The following EFTUD2 variants were observed in gnomAD, a reference collection of about 807,000 sequenced individuals.
EFTUD2 encodes the protein 116 kDa U5 small nuclear ribonucleoprotein component.
In EFTUD2, 9 loss-of-function variants were observed where a neutral mutation model predicts 114.3. The ratio of observed to expected loss-of-function variants is 0.08; its 90% CI spans 0.05 to 0.14. The LOEUF is 0.14. EFTUD2 is among the 10% of genes least tolerant of loss of function. The pLI, the probability that EFTUD2 is intolerant of heterozygous loss-of-function variation, is 1.00. For synonymous variants in EFTUD2, 449 were observed against 462.3 expected (o/e 0.97, Z 0.37); for missense variants, 765 against 1,241.2 (o/e 0.62, Z 5.76).
intron 25 of EFTUD2, 104 bp downstream of exon 25, chr17:44,853,192 G>A: frequency 8.4e-7 from 1 of 1,191,178 alleles, no homozygotes; most frequent in South Asian, 1.4e-5. Flanking sequence ...TTTCCAGAGA[G>A]AGGAGGGTAG....
At chr17:44,859,270 T>C (rs1198651999) in intron 18 of EFTUD2, 89 bp from the exon 19 acceptor site, 4 of 927,888 alleles carry the variant, frequency 4.3e-6, no homozygotes, top group Admixed American at 1.8e-5. Flanking sequence ...AGACAAGAAG[T>C]TGCCTATCAG....
Position 44,864,956 on chromosome 17 carries a change from C to T in EFTUD2, c.1259G>A (p.Cys420Tyr). Residue 420 changes from cysteine to tyrosine, a missense_variant, in exon 14 of 28, where the codon TGC (cysteine) becomes TAC (tyrosine). Around this residue, in one of 6 missense-constraint regions of EFTUD2, gnomAD observed 251 missense variants for 357.7 expected, o/e 0.70. Coordinates refer to ENST00000426333, the MANE Select transcript of EFTUD2 (RefSeq NM_004247.4). ...LNIRPLLRLVCKKFFGEFTGF... is the reference protein window; with the variant it reads ...LNIRPLLRLVYKKFFGEFTGF... ...TGTGAACTCGCCAAAGAACTTTTTG[C>T]AGACCAGCCTGAGCAAGGGGCGGAT... The T allele has an allele frequency of 6.2e-7, 1 of 1,614,128 alleles. No homozygotes were observed. Among genetic ancestry groups the T allele is most frequent in the South Asian group, 1.1e-5 (1 of 91,074 alleles).
In EFTUD2 at chr17:44,850,090, T is replaced by G. The variant is rs2050412507; in HGVS notation, c.*1184A>C. 2.4e-6 allele frequency: 1 copy of G among 420,964 alleles called. No individual in the cohort carries two copies. The highest frequency in any genetic ancestry group is 2.0e-5 in the African/African-American group (1 of 51,208). The allele number at this position is 420,964 out of a possible 1,614,324, so 26.1% of individuals were successfully genotyped here. On this transcript the variant is annotated 3_prime_UTR_variant, in exon 28 of 28. Coordinates refer to ENST00000426333, the MANE Select transcript of EFTUD2 (RefSeq NM_004247.4). ...CCCCTGGCCTGCCTACCTTGCAGGC[T>G]GCTGTGAGGTTTCTCAGATACACAA...
At chr17:44,881,212 G>A (rs577326598) in intron 7 of EFTUD2, among the ~76,000 whole-genome samples, 1 of 152,272 alleles carries the variant, frequency 6.6e-6, no homozygotes, top group African/African-American at 2.4e-5. Flanking sequence ...GGAAACAGAA[G>A]GGGTCAGAGA....
chr17:44,864,679 C>T (rs1336952993), intron 14 of EFTUD2, among the ~76,000 whole-genome samples: 3 of 152,138 alleles, frequency 2.0e-5, no homozygotes, highest in Non-Finnish European at 2.9e-5. Context: ...GCCTGCCTCC[C>T]CATCTCATTT....
At chr17:44,883,878 T>G (rs1466315640) in intron 4 of EFTUD2, 154 bp from the exon 5 acceptor site, 1 of 666,934 alleles carries the variant, frequency 1.5e-6, no homozygotes, top group East Asian at 2.7e-5. Flanking sequence ...CTTACATAGC[T>G]CTGGCTTTGG....
chr17:44,884,631 G>A (rs537904831), intron 4 of EFTUD2, among the ~76,000 whole-genome samples: 7 of 152,196 alleles, frequency 4.6e-5, no homozygotes, highest in South Asian at 2.1e-4. Context: ...GGTAGCTCAC[G>A]CCTGTAATCT....
rs116355946 is a variant in EFTUD2 at position 44,880,734 on chromosome 17, C to T, written c.529-90G>A. ...GCTCCCCAGTTGCTAGTAAATTACA[C>T]TGATGCCTCTCCTTATAGTGGGTGA... On this transcript the variant is annotated intron_variant, in intron 7 of 27. Coordinates refer to ENST00000426333, the MANE Select transcript of EFTUD2 (RefSeq NM_004247.4). The T allele has an allele frequency of 8.2e-4, 756 of 919,230 alleles. 6 individuals are homozygous for T. The highest frequency in any genetic ancestry group is 6.8e-3 in the African/African-American group (418 of 61,396). 56.9% of individuals were successfully genotyped at this position (919,230 alleles called of 1,614,324 possible).
chr17:44,886,721 T>G lies in EFTUD2; in HGVS notation c.135A>C (p.Val45=). Residue 45 remains valine (V), a synonymous_variant, in exon 3 of 28, where the codon GTA becomes GTC. Transcript: ENST00000426333. ...EMDDDDDDDD[V]GDHDDDHPGM... ...CAGGGTGGTCATCGTCATGATCTCC[T>G]ACGTCATCGTCGTCGTCATCATCAT... The G allele has an allele frequency of 6.2e-7, 1 of 1,614,028 alleles. No homozygotes were observed. The highest frequency in any genetic ancestry group is 1.1e-5 in the South Asian group (1 of 91,070).
At chr17:44,890,543 C>T (rs1392715928) in intron 2 of EFTUD2, among the ~76,000 whole-genome samples, 2 of 151,620 alleles carry the variant, frequency 1.3e-5, no homozygotes, top group African/African-American at 2.4e-5. Context: ...AAATACAAAA[C>T]TAGCCGGGCG....
intron 16 of EFTUD2, among the ~76,000 whole-genome samples, chr17:44,861,451 A>G (rs2050658351): frequency 7.6e-6 from 1 of 131,078 alleles, no homozygotes; most frequent in South Asian, 2.4e-4. Flanking sequence ...AAAAAAAAAA[A>G]GGCTGGGAGC....
At chr17:44,876,479 C>T (rs1328624696) in intron 9 of EFTUD2, among the ~76,000 whole-genome samples, 1 of 152,086 alleles carries the variant, frequency 6.6e-6, no homozygotes, top group African/African-American at 2.4e-5. Flanking sequence ...GTGTATATAA[C>T]CTAGCTGTGC....
chr17:44,885,466 T>C (rs919731704), intron 3 of EFTUD2, 132 bp from the exon 4 acceptor site: 7 of 682,336 alleles, frequency 1.0e-5, no homozygotes, highest in Non-Finnish European at 1.8e-5. Context: ...CAAGGATCAC[T>C]CATATGTTGA....
At position 44,862,766 on chromosome 17, in the gene EFTUD2, A is replaced by G. The variant is rs1246301303; in HGVS notation, c.1554T>C (p.Asp518=). 38 of 1,614,014 alleles carry G rather than the reference A, an allele frequency of 2.4e-5. No individual in the cohort carries two copies. The highest frequency in any genetic ancestry group is 3.1e-5 in the Non-Finnish European group (36 of 1,180,012). The change falls in exon 16 of 28, where the codon GAT becomes GAC. Residue 518 remains aspartate (D), a synonymous_variant. Transcript: ENST00000426333. ...CGGTGCATATCTGGGAGTCTTCCTC[A>G]TCCTCCAGGGTGTAGTTCTCCCCCA... is the stretch of plus-strand genomic sequence containing the variant. ...KVLGENYTLE[D]EEDSQICTVG...
rs1597821847 is a variant in EFTUD2 at position 44,885,107 on chromosome 17, T to C, written c.350+149A>G. On this transcript the variant is annotated intron_variant, in intron 4 of 27. Coordinates refer to ENST00000426333, the MANE Select transcript of EFTUD2 (RefSeq NM_004247.4). ...GAAAAGTTAAGATTGACCCCAAATA[T>C]CCCAGCAGCCACACAAGCTGAAGGA... The C allele has an allele frequency of 7.5e-6, 5 of 666,860 alleles. No homozygotes were observed. In the South Asian group the frequency reaches 9.3e-5, roughly 12 times the overall value. 41.3% of individuals were successfully genotyped at this position (666,860 alleles called of 1,614,324 possible).
At chr17:44,896,078 T>A (rs186690778) in intron 1 of EFTUD2, 3 of 152,362 alleles carry the variant, frequency 2.0e-5, no homozygotes, top group African/African-American at 7.2e-5. Context: ...TATCAGGTGA[T>A]ACATGATTTC....
At chr17:44,870,296 A>G (rs2050823102) in intron 11 of EFTUD2, among the ~76,000 whole-genome samples, 1 of 152,188 alleles carries the variant, frequency 6.6e-6, no homozygotes, top group African/African-American at 2.4e-5. Flanking sequence ...TTTGCTTCAC[A>G]TGCTCATACA....
intron 7 of EFTUD2, among the ~76,000 whole-genome samples, 181 bp from the exon 8 acceptor site, chr17:44,880,825 T>C (rs892014475): frequency 5.9e-5 from 9 of 152,224 alleles, no homozygotes; most frequent in Non-Finnish European, 1.3e-4. Flanking sequence ...GACACCATTT[T>C]TGGGGGACTT....
chr17:44,889,747 C>T (rs2051244286), intron 2 of EFTUD2, among the ~76,000 whole-genome samples: 1 of 152,168 alleles, frequency 6.6e-6, no homozygotes, highest in Non-Finnish European at 1.5e-5. Context: ...ATCTTACACT[C>T]TACTTCTACT....
Sources: gnomAD v4.1 joint callset for allele counts (sites outside exome capture counted in the v4.1 genomes callset) on GRCh38, gnomAD v4.1.1 for gene constraint, gnomAD v4.1.1 regional missense constraint, MANE v1.5 for transcripts, NCBI Gene and HGNC (gene_info 2026-07-23, HGNC 2026-07-21) for gene names.